Variants in PKD2 observed in about 807,000 individuals in gnomAD.
The protein encoded by PKD2 is polycystin-2.
PKD2 carries 48 observed loss-of-function variants against 105.9 expected under a neutral mutation model. The observed-to-expected ratio is 0.45, with a 90% CI of 0.36 to 0.58. The LOEUF is 0.58. PKD2 is among the 20% of genes least tolerant of loss of function. The pLI, the probability that PKD2 is intolerant of heterozygous loss-of-function variation, is 0.00. For missense variants in PKD2, 1,078 were observed against 1,255.3 expected, an observed-to-expected ratio of 0.86 and a Z score of 2.13; for synonymous variants, 464 against 481.1, an observed-to-expected ratio of 0.96 and a Z score of 0.46.
intron 1 of PKD2, among the ~76,000 whole-genome samples, chr4:88,016,191 T>C (rs1332985491): frequency 1.3e-5 from 2 of 152,186 alleles, no homozygotes; most frequent in Non-Finnish European, 2.9e-5. Flanking sequence ...TAACAGGCCA[T>C]GGACCAGTAC....
chr4:88,023,260 G>A (rs1726828394), intron 2 of PKD2, among the ~76,000 whole-genome samples: 2 of 152,182 alleles, frequency 1.3e-5, no homozygotes, highest in South Asian at 4.1e-4. Context: ...TGAAGCAGGA[G>A]CTTGCACATC....
At chr4:88,050,995 C>T (rs191079233) in intron 6 of PKD2, among the ~76,000 whole-genome samples, 2 of 152,142 alleles carry the variant, frequency 1.3e-5, no homozygotes, top group East Asian at 1.9e-4. Flanking sequence ...CAGCAAAGAT[C>T]GCAGCACCTG....
In PKD2 at chr4:88,007,833, G is replaced by A; in HGVS notation, c.100G>A (p.Ala34Thr). 1 of 1,191,746 alleles carries A rather than the reference G, an allele frequency of 8.4e-7. No individual in the cohort carries two copies. The highest frequency in any genetic ancestry group is 1.0e-6 in the Non-Finnish European group (1 of 963,752). The allele number at this position is 1,191,746 out of a possible 1,614,324, so 73.8% of individuals were successfully genotyped here. A position where few individuals can be genotyped will look rare whatever the true frequency, so the allele number is the denominator to read the frequency against. Residue 34 changes from alanine (A) to threonine (T), a missense_variant, in exon 1 of 15, where the codon GCG (alanine) becomes ACG (threonine). Ala to Thr is a moderately conservative substitution (Grantham distance 58). This residue lies in a region of PKD2 where 210 missense variants were observed against 187.9 expected (regional missense o/e 1.12). Coordinates refer to ENST00000237596, the MANE Select transcript of PKD2 (RefSeq NM_000297.4). ...CCCGGGCCGGCTGATGGCTGGCTGC[G>A]CGGCCGTGGGCGCCAGCCTCGCCGC... ...PDPGRLMAGCAAVGASLAAPG... is the reference protein window; with the variant it reads ...PDPGRLMAGCTAVGASLAAPG...
intron 13 of PKD2, among the ~76,000 whole-genome samples, chr4:88,070,459 C>T (rs1720968349): frequency 6.6e-6 from 1 of 151,456 alleles, no homozygotes; most frequent in African/African-American, 2.4e-5. Context: ...CTCTCTGTTC[C>T]TCAGAGTGCA....
intron 4 of PKD2, among the ~76,000 whole-genome samples, chr4:88,042,321 T>G (rs555793096): frequency 6.6e-6 from 1 of 152,282 alleles, no homozygotes; most frequent in African/African-American, 2.4e-5. Context: ...AAAATCCCAC[T>G]TATAAAACCA....
At chr4:88,044,072 C>T (rs888827514) in intron 5 of PKD2, among the ~76,000 whole-genome samples, 4 of 152,142 alleles carry the variant, frequency 2.6e-5, no homozygotes, top group African/African-American at 9.7e-5. Context: ...ATTCAGCAAA[C>T]ATTCATTGGA....
intron 10 of PKD2, 29 bp from the exon 11 acceptor site, chr4:88,065,345 A>C: frequency 6.2e-7 from 1 of 1,604,256 alleles, no homozygotes; most frequent in Non-Finnish European, 8.5e-7. Flanking sequence ...ACACTAAACC[A>C]AGTCTTTTAT....
chr4:88,070,863 G>A (rs1033617627), intron 13 of PKD2, among the ~76,000 whole-genome samples: 22 of 151,738 alleles, frequency 1.4e-4, no homozygotes, highest in African/African-American at 4.6e-4. Context: ...TCAAACTCCC[G>A]GCCTCAAGTG....
chr4:88,060,255 A>T (rs1321521355), intron 9 of PKD2, among the ~76,000 whole-genome samples: 1 of 152,196 alleles, frequency 6.6e-6, no homozygotes, highest in Non-Finnish European at 1.5e-5. Context: ...GACTGCAATT[A>T]TCTGCACTTG....
intron 2 of PKD2, among the ~76,000 whole-genome samples, chr4:88,021,745 T>C (rs147925702): frequency 9.8e-5 from 15 of 152,372 alleles, no homozygotes; most frequent in African/African-American, 3.6e-4. Flanking sequence ...TTATAACTTC[T>C]ACCCAGTTGC....
intron 13 of PKD2, among the ~76,000 whole-genome samples, chr4:88,070,599 TATAGAGAGAGAG>T (rs1458099215): frequency 2.1e-3 from 208 of 98,258 alleles, no homozygotes; most frequent in Non-Finnish European, 3.4e-3. Context: ...TATATATATA[TATAGAGAGAGAG>T]AGAGAGAGAG....
intron 2 of PKD2, among the ~76,000 whole-genome samples, chr4:88,021,608 A>G (rs976404858): frequency 3.9e-5 from 6 of 152,220 alleles, no homozygotes; most frequent in African/African-American, 1.4e-4. Flanking sequence ...TCAGATGGTT[A>G]CTCATACTGC....
In PKD2 at chr4:88,073,207, G is replaced by T. The variant is rs1291111185; in HGVS notation, c.2523-1605G>T. Among the ~76,000 whole-genome samples the T allele has an allele frequency of 2.0e-5, 3 of 147,734 alleles. No individual in the cohort carries two copies. In the East Asian group the frequency reaches 6.1e-4, roughly 30 times the overall value. On this transcript the variant is annotated intron_variant, in intron 13 of 14. Coordinates refer to ENST00000237596, the MANE Select transcript of PKD2 (RefSeq NM_000297.4). ...CTCTATTAAAAAAAAAAAAAAAAAAGGTGTAAAAAACTTTTGTAACAAGAG... is the reference window on the plus strand; with the variant it reads ...CTCTATTAAAAAAAAAAAAAAAAAATGTGTAAAAAACTTTTGTAACAAGAG...
chr4:88,059,737 A>ATACGTACG lies in PKD2; in HGVS notation c.2019+1637_2019+1638insGTACGTAC, dbSNP rs1245258677. On this transcript the variant is annotated intron_variant, in intron 9 of 14. Transcript: ENST00000237596. Reference sequence around the variant, plus strand: ...CCCAGAGATATAGGTGGATAGATACATACATACGTACATACATACATACAT... The same window carrying ATACGTACG: ...CCCAGAGATATAGGTGGATAGATACATACGTACGTACATACGTACATACATACATACAT... 3.5e-5 allele frequency among the ~76,000 whole-genome samples: 5 copies of ATACGTACG among 143,788 alleles called. No individual in the cohort carries two copies. The East Asian group carries it at 1.2e-3, about 34-fold the overall frequency. 94.3% of individuals were successfully genotyped at this position (143,788 alleles called of 152,430 possible).
At chr4:88,008,417 G>A (rs1726270059) in intron 1 of PKD2, 89 bp downstream of exon 1, 1 of 1,426,936 alleles carries the variant, frequency 7.0e-7, no homozygotes, top group Non-Finnish European at 9.2e-7. Flanking sequence ...AGCTCCCCGG[G>A]CTCCATCTCG....
chr4:88,058,356 C>T (rs910008859), intron 9 of PKD2, among the ~76,000 whole-genome samples: 2 of 152,058 alleles, frequency 1.3e-5, no homozygotes, highest in South Asian at 2.1e-4. Context: ...AGATCTCTTC[C>T]ATGGTCTTTC....
chr4:88,051,576 A>G (rs1720101888), intron 6 of PKD2, among the ~76,000 whole-genome samples: 1 of 152,230 alleles, frequency 6.6e-6, no homozygotes, highest in African/African-American at 2.4e-5. Context: ...TTTAAAAATC[A>G]CAAATAAAAA....
At chr4:88,049,137 A>G (rs1223723739) in intron 6 of PKD2, among the ~76,000 whole-genome samples, 2 of 152,248 alleles carry the variant, frequency 1.3e-5, no homozygotes, top group Non-Finnish European at 2.9e-5. Context: ...ATACACACCT[A>G]TCAGTGAAAG....
At chr4:88,044,988 C>T (rs1727714633) in intron 5 of PKD2, among the ~76,000 whole-genome samples, 1 of 151,910 alleles carries the variant, frequency 6.6e-6, no homozygotes, top group African/African-American at 2.4e-5. Context: ...TGAGTTTTTC[C>T]TAATTATTCC....
Sources: gnomAD v4.1 joint callset for allele counts (sites outside exome capture counted in the v4.1 genomes callset) on GRCh38, gnomAD v4.1.1 for gene constraint, gnomAD v4.1.1 regional missense constraint, MANE v1.5 for transcripts, NCBI Gene and HGNC (gene_info 2026-07-23, HGNC 2026-07-21) for gene names.